Variants in SMC2 observed in about 807,000 individuals in gnomAD.
SMC2 encodes the protein structural maintenance of chromosomes protein 2.
A neutral mutation model predicts 142.6 loss-of-function variants in SMC2; 41 were observed. The ratio of observed to expected loss-of-function variants is 0.29; its 90% CI spans 0.22 to 0.37. The LOEUF (loss-of-function observed/expected upper bound fraction) is 0.37. Among genes scored for constraint, SMC2 ranks in the 10% least tolerant of loss-of-function variants. The probability of loss-of-function intolerance (pLI) is 1.00; values close to 1 mark genes in which losing one functional copy is unlikely to be tolerated. For missense variants in SMC2, 1,265 were observed against 1,373.7 expected (o/e 0.92, Z 1.25); for synonymous variants, 463 against 457.5 (o/e 1.01, Z -0.15).
At position 104,129,804 on chromosome 9, in the gene SMC2, A is replaced by G. The variant is rs755211724; in HGVS notation, c.2950A>G (p.Asn984Asp). The G allele has an allele frequency of 1.2e-6, 2 of 1,613,926 alleles. No individual in the cohort carries two copies. Among genetic ancestry groups the G allele is most frequent in the East Asian group, 2.2e-5 (1 of 44,836 alleles). ...EMKEKLGRNV[N>D]MRAMNVLTEA... ...GAAGGAGAAACTAGGAAGAAATGTCAATATGAGAGCTATGAATGTATTGAC... is the reference window on the plus strand; with the variant it reads ...GAAGGAGAAACTAGGAAGAAATGTCGATATGAGAGCTATGAATGTATTGAC... Residue 984 changes from asparagine to aspartate, a missense_variant, in exon 21 of 25, where the codon AAT (asparagine) becomes GAT (aspartate). Physicochemically the swap from Asn to Asp is conservative, Grantham distance 23 (BLOSUM62 1). Transcript: ENST00000374793.
upstream of SMC2, among the ~76,000 whole-genome samples, chr9:104,091,143 TAC>T (rs1305169564): frequency 2.0e-5 from 3 of 152,226 alleles, no homozygotes; most frequent in African/African-American, 4.8e-5. Context: ...AGAAATAAAA[TAC>T]AGTCATGCGT....
intron 10 of SMC2, among the ~76,000 whole-genome samples, chr9:104,112,595 G>GAACT (rs754261102): frequency 1.4e-4 from 22 of 152,026 alleles, no homozygotes; most frequent in Non-Finnish European, 2.9e-4. Context: ...AAATTTATAA[G>GAACT]AACTCTCAAT....
intron 9 of SMC2, among the ~76,000 whole-genome samples, chr9:104,110,298 G>A (rs1466866368): frequency 6.6e-6 from 1 of 152,156 alleles, no homozygotes; most frequent in Admixed American, 6.5e-5. Flanking sequence ...GTGGTTGCCT[G>A]CCTTTCCAGA....
In SMC2 at chr9:104,123,097, G is replaced by A. The variant is rs149425712; in HGVS notation, c.2133-11G>A. The A allele has an allele frequency of 2.6e-5, 42 of 1,594,368 alleles. No homozygotes were observed. The African/African-American group carries it at 4.9e-4, about 19-fold the overall frequency. On this transcript the variant is annotated splice_polypyrimidine_tract_variant and intron_variant, in intron 16 of 24. Transcript: ENST00000374793. ...TGACAGTCATTTCTTACATGTTTCT[G>A]TTTTTGTAAGGTATCGCCAACTAAA...
intron 4 of SMC2, 40 bp from the exon 5 acceptor site, chr9:104,099,604 G>A (rs772378520): frequency 4.6e-6 from 6 of 1,308,212 alleles, no homozygotes; most frequent in South Asian, 3.6e-5. Flanking sequence ...AACATTTTCT[G>A]TAATTTGTTA....
intron 1 of SMC2, 165 bp downstream of exon 1, chr9:104,094,642 T>C: frequency 2.7e-6 from 1 of 374,402 alleles, no homozygotes; most frequent in Admixed American, 4.5e-5. Context: ...CTGTTCGACC[T>C]TGGAGTAGGG....
chr9:104,127,146 A>G, intron 19 of SMC2, 140 bp from the exon 20 acceptor site: 1 of 630,146 alleles, frequency 1.6e-6, no homozygotes, highest in Non-Finnish European at 2.7e-6. Flanking sequence ...GTGATATAAA[A>G]TATAGAGGGT....
chr9:104,141,406 A>AT lies in SMC2; in HGVS notation c.*2094dup, dbSNP rs1177410545. On this transcript the variant is annotated 3_prime_UTR_variant, in exon 25 of 25. Transcript: ENST00000374793. ...CATTTGTATTTATTGTACAGAATAA[A>AT]TTTAAGAAAAATACCTGTATGAGCA... The AT allele has an allele frequency of 6.6e-6, 1 of 152,194 alleles. No homozygotes were observed. The highest frequency in any genetic ancestry group is 2.4e-5 in the African/African-American group (1 of 41,460). 9.4% of individuals were successfully genotyped at this position (152,194 alleles called of 1,614,324 possible). A position where few individuals can be genotyped will look rare whatever the true frequency, so the allele number is the denominator to read the frequency against.
At chr9:104,120,390 CAA>C (rs1484165731) in intron 16 of SMC2, among the ~76,000 whole-genome samples, 2 of 152,008 alleles carry the variant, frequency 1.3e-5, no homozygotes, top group Non-Finnish European at 2.9e-5. Flanking sequence ...CAAAACAAAA[CAA>C]AAAAATCATT....
chr9:104,112,753 G>A (rs1227384514), intron 10 of SMC2, among the ~76,000 whole-genome samples: 2 of 152,098 alleles, frequency 1.3e-5, no homozygotes, highest in African/African-American at 2.4e-5. Context: ...GTTTTAAGAA[G>A]CAGTGTTCAA....
intron 9 of SMC2, among the ~76,000 whole-genome samples, chr9:104,103,240 C>G (rs575359151): frequency 6.6e-5 from 10 of 151,880 alleles, no homozygotes; most frequent in African/African-American, 2.2e-4. Flanking sequence ...TCCTGGAGTC[C>G]AGGTAAAAAA....
chr9:104,115,636 A>G (rs76353259), intron 13 of SMC2, among the ~76,000 whole-genome samples: 8,593 of 152,120 alleles, frequency 0.056, 656 homozygotes, highest in African/African-American at 0.18. Context: ...ACATATACAT[A>G]GTGAAATGAT....
In SMC2 at chr9:104,113,375, G is replaced by A. The variant is rs372161192; in HGVS notation, c.1314G>A (p.Lys438=). The A allele has an allele frequency of 2.5e-6, 4 of 1,612,066 alleles. No homozygotes were observed. The highest frequency in any genetic ancestry group is 3.4e-6 in the Non-Finnish European group (4 of 1,178,930). The change falls in exon 11 of 25, where the codon AAG becomes AAA. Residue 438 remains lysine, a synonymous_variant. Coordinates refer to ENST00000374793, the MANE Select transcript of SMC2 (RefSeq NM_006444.3). The part of the protein sequence containing the change: ...QELKNKQAEV[K]KMDSGYRKDQ... Reference sequence around the variant, plus strand: ...TAAAGAATAAACAAGCTGAAGTTAAGAAGATGGATAGTGGCTACAGGAAGG... The same window carrying A: ...TAAAGAATAAACAAGCTGAAGTTAAAAAGATGGATAGTGGCTACAGGAAGG...
At position 104,129,705 on chromosome 9, in the gene SMC2, C is replaced by T. The variant is rs539905204; in HGVS notation, c.2851C>T (p.Pro951Ser). Residue 951 changes from proline (P) to serine (S), a missense_variant, in exon 21 of 25, where the codon CCC (proline) becomes TCC (serine). Transcript: ENST00000374793. ...INAERHLFGQ[P>S]NSAYDFKTNN... is the part of the protein sequence containing the mutation. The stretch of plus-strand genomic sequence containing the variant: ...TGCAGAGAGACACCTCTTTGGCCAA[C>T]CCAATAGTGCCTATGATTTCAAAAC... 5.0e-6 allele frequency: 8 copies of T among 1,613,904 alleles called. No individual in the cohort carries two copies. Among genetic ancestry groups the T allele is most frequent in the South Asian group, 4.4e-5 (4 of 91,082 alleles).
At position 104,139,386 on chromosome 9, in the gene SMC2, T is replaced by C; in HGVS notation, c.*71T>C. On this transcript the variant is annotated 3_prime_UTR_variant, in exon 25 of 25. Transcript: ENST00000374793. ...ACTTTTAAGGACTTGAGATAACTAA[T>C]TTGTTTATATACAAAAATTAATGTT... The C allele has an allele frequency of 8.1e-7, 1 of 1,235,676 alleles. No homozygotes were observed. Among genetic ancestry groups the C allele is most frequent in the Non-Finnish European group, 1.1e-6 (1 of 890,056 alleles). 76.5% of individuals were successfully genotyped at this position (1,235,676 alleles called of 1,614,324 possible). A position where few individuals can be genotyped will look rare whatever the true frequency, so the allele number is the denominator to read the frequency against.
At chr9:104,134,181 G>A (rs1401312817) in intron 22 of SMC2, among the ~76,000 whole-genome samples, 2 of 151,936 alleles carry the variant, frequency 1.3e-5, no homozygotes, top group Non-Finnish European at 2.9e-5. Context: ...TTTTTTGCTT[G>A]GGAGCCCATC....
At chr9:104,119,612 C>T (rs78675569) in intron 15 of SMC2, among the ~76,000 whole-genome samples, 1 of 152,092 alleles carries the variant, frequency 6.6e-6, no homozygotes, top group Non-Finnish European at 1.5e-5. Context: ...AAGGAGTAGT[C>T]GTCTCTGTCT....
In SMC2 at chr9:104,140,997, T is replaced by C. The variant is rs1209705892; in HGVS notation, c.*1682T>C. The C allele has an allele frequency of 2.0e-5, 3 of 152,250 alleles. No homozygotes were observed. The highest frequency in any genetic ancestry group is 7.2e-5 in the African/African-American group (3 of 41,478). 9.4% of individuals were successfully genotyped at this position (152,250 alleles called of 1,614,324 possible). A position where few individuals can be genotyped will look rare whatever the true frequency, so the allele number is the denominator to read the frequency against. On this transcript the variant is annotated 3_prime_UTR_variant, in exon 25 of 25. Coordinates refer to ENST00000374793, the MANE Select transcript of SMC2 (RefSeq NM_006444.3). ...TGCTTGTGTGCGTTCCTGATTTTTG[T>C]CTTGTATAATCTTGATCTTTGAAAA...
In SMC2 at chr9:104,113,303, T is replaced by A. The variant is rs375675440; in HGVS notation, c.1255-13T>A. The A allele has an allele frequency of 6.3e-7, 1 of 1,594,734 alleles. No homozygotes were observed. Among genetic ancestry groups the A allele is most frequent in the Non-Finnish European group, 8.5e-7 (1 of 1,172,524 alleles). On this transcript the variant is annotated splice_polypyrimidine_tract_variant and intron_variant, in intron 10 of 24. Transcript: ENST00000374793. ...TCATACATCCTATGGTCTGTTGCAT[T>A]TTTCTGCCACAGGCTCAGATGAAGT...
Sources: gnomAD v4.1 joint callset for allele counts (sites outside exome capture counted in the v4.1 genomes callset) on GRCh38, gnomAD v4.1.1 for gene constraint, MANE v1.5 for transcripts, NCBI Gene and HGNC (gene_info 2026-07-23, HGNC 2026-07-21) for gene names.